RAB3GAP1: variants seen among roughly 807,000 people sequenced by gnomAD.
RAB3GAP1 encodes the protein rab3 GTPase-activating protein catalytic subunit.
Under a neutral mutation model 130.7 loss-of-function variants are expected in RAB3GAP1, and 86 were observed. The ratio of observed to expected loss-of-function variants is 0.66; its 90% CI spans 0.55 to 0.79. The LOEUF (loss-of-function observed/expected upper bound fraction) is 0.79. Ranked by LOEUF, RAB3GAP1 falls within the 30% of genes least tolerant of loss-of-function variation. The probability of loss-of-function intolerance (pLI) is 0.00; values close to 1 mark genes in which losing one functional copy is unlikely to be tolerated. For synonymous variants in RAB3GAP1, 367 were observed against 401.7 expected (o/e 0.91, Z 1.03); for missense variants, 1,029 against 1,169.4 (o/e 0.88, Z 1.75).
At chr2:135,074,393 AG>A (rs1282776991) in intron 3 of RAB3GAP1, among the ~76,000 whole-genome samples, 5 of 152,250 alleles carry the variant, frequency 3.3e-5, no homozygotes, top group African/African-American at 1.2e-4. Context: ...CCTAGCCTTC[AG>A]GCTATACCAG....
intron 4 of RAB3GAP1, 67 bp downstream of exon 4, chr2:135,091,197 A>G (rs991546099): frequency 7.0e-7 from 1 of 1,422,580 alleles, no homozygotes; most frequent in African/African-American, 1.4e-5. Flanking sequence ...TTGAATTATT[A>G]ATTTAGTGTT....
intron 3 of RAB3GAP1, among the ~76,000 whole-genome samples, chr2:135,070,441 C>T (rs752092711): frequency 1.3e-5 from 2 of 152,124 alleles, no homozygotes; most frequent in Non-Finnish European, 2.9e-5. Flanking sequence ...TTCTTTCTGT[C>T]TTTAGTTTTT....
chr2:135,104,166 G>T (rs1690527562), intron 5 of RAB3GAP1, among the ~76,000 whole-genome samples: 1 of 152,184 alleles, frequency 6.6e-6, no homozygotes, highest in African/African-American at 2.4e-5. Context: ...TTGAAAATAA[G>T]AATAAAGCAA....
rs560584406 is a variant in RAB3GAP1 at position 135,141,318 on chromosome 2, G to A, written c.1923+5386G>A. ...CGGCTCACTGCAGCCTGAGTCTTCCGGGTTCAAGCGATTCTCCTGCCTCAG... is the reference window on the plus strand; with the variant it reads ...CGGCTCACTGCAGCCTGAGTCTTCCAGGTTCAAGCGATTCTCCTGCCTCAG... On this transcript the variant is annotated intron_variant, in intron 17 of 23. Coordinates refer to ENST00000264158, the MANE Select transcript of RAB3GAP1 (RefSeq NM_012233.3). Among the ~76,000 whole-genome samples the A allele has an allele frequency of 1.3e-4, 19 of 150,202 alleles. 1 individual carries two copies. The highest frequency in any genetic ancestry group is 9.3e-4 in the Admixed American group (14 of 15,032).
intron 2 of RAB3GAP1, 22 bp from the exon 3 acceptor site, chr2:135,057,989 A>C (rs1314183377): frequency 1.9e-6 from 3 of 1,546,204 alleles, no homozygotes; most frequent in South Asian, 1.1e-5. Flanking sequence ...TTGTATTTAG[A>C]AGCTTTCTCC....
intron 7 of RAB3GAP1, among the ~76,000 whole-genome samples, chr2:135,116,241 T>C (rs573007147): frequency 7.9e-5 from 12 of 152,262 alleles, no homozygotes; most frequent in African/African-American, 2.6e-4. Context: ...AAATATTAAG[T>C]ATATTGATTA....
chr2:135,125,028 C>A (rs1052487495), intron 9 of RAB3GAP1, among the ~76,000 whole-genome samples: 12 of 152,196 alleles, frequency 7.9e-5, no homozygotes, highest in Non-Finnish European at 1.5e-4. Context: ...TTAATATTTA[C>A]AGAGCTGTGC....
At chr2:135,150,591 A>G (rs1291492687) in intron 18 of RAB3GAP1, 85 bp downstream of exon 18, 1 of 1,548,914 alleles carries the variant, frequency 6.5e-7, no homozygotes, top group African/African-American at 1.4e-5. Flanking sequence ...AGTGGTATAA[A>G]GGCCTGAATG....
intron 22 of RAB3GAP1, among the ~76,000 whole-genome samples, chr2:135,164,350 T>G (rs2105000691): frequency 6.6e-6 from 1 of 152,374 alleles, no homozygotes; most frequent in Non-Finnish European, 1.5e-5. Flanking sequence ...TTTCTTACAC[T>G]TTGACAGAGA....
intron 17 of RAB3GAP1, among the ~76,000 whole-genome samples, chr2:135,138,991 G>A (rs1336652002): frequency 6.6e-6 from 1 of 152,086 alleles, no homozygotes; most frequent in Non-Finnish European, 1.5e-5. Context: ...TAGTATCTCA[G>A]TGTTTTAGAT....
In RAB3GAP1 at chr2:135,169,033, T is replaced by TG. The variant is rs1269719842; in HGVS notation, c.*254dup. 2.2e-4 allele frequency: 20 copies of TG among 90,150 alleles called. No homozygotes were observed. Among genetic ancestry groups the TG allele is most frequent in the African/African-American group, 1.7e-3 (16 of 9,400 alleles). 5.6% of individuals were successfully genotyped at this position (90,150 alleles called of 1,614,324 possible). A position where few individuals can be genotyped will look rare whatever the true frequency, so the allele number is the denominator to read the frequency against. On this transcript the variant is annotated 3_prime_UTR_variant, in exon 24 of 24. Transcript: ENST00000264158. The stretch of plus-strand genomic sequence containing the variant: ...GAGATGGCCTTTGTATATGGGGGGG[T>TG]GGTGGGGGGACACAAACACATCAGA...
chr2:135,093,587 AC>A (rs1350223566), intron 4 of RAB3GAP1, 27 bp from the exon 5 acceptor site: 1 of 1,556,308 alleles, frequency 6.4e-7, no homozygotes, highest in African/African-American at 1.4e-5. Context: ...GAACATACTA[AC>A]TTTTTCATTA....
At chr2:135,087,911 A>G (rs1256397551) in intron 3 of RAB3GAP1, among the ~76,000 whole-genome samples, 1 of 152,208 alleles carries the variant, frequency 6.6e-6, no homozygotes, top group Non-Finnish European at 1.5e-5. Context: ...GTTTTGATGA[A>G]CTAGAATTGT....
rs1344217576 is a variant in RAB3GAP1, at chr2:135,074,861, G to A, written c.151-16137G>A. On this transcript the variant is annotated intron_variant, in intron 3 of 23. Coordinates refer to ENST00000264158, the MANE Select transcript of RAB3GAP1 (RefSeq NM_012233.3). ...AGGGGCTGTCTACTAAGAGGCAGGAGCTGGAGGGAAGTTTTATAGGGTCAT... is the reference window on the plus strand; with the variant it reads ...AGGGGCTGTCTACTAAGAGGCAGGAACTGGAGGGAAGTTTTATAGGGTCAT... Among the ~76,000 whole-genome samples, 4 of 152,204 alleles carry A rather than the reference G, an allele frequency of 2.6e-5. No individual in the cohort carries two copies. The East Asian group carries it at 7.7e-4, about 29-fold the overall frequency.
In RAB3GAP1 at chr2:135,168,807, C is replaced by A. The variant is rs1192722980; in HGVS notation, c.*26C>A. 1.3e-6 allele frequency: 2 copies of A among 1,593,906 alleles called. No homozygotes were observed. Among genetic ancestry groups the A allele is most frequent in the South Asian group, 1.1e-5 (1 of 90,630 alleles). ...TTCTTCTAGCATTACTCGTTGGTGG[C>A]TTCAGAGACAGTGCTGCCTCCTCCT... On this transcript the variant is annotated 3_prime_UTR_variant, in exon 24 of 24. Transcript: ENST00000264158.
chr2:135,175,895 T>A (rs182827101), intron 24 of RAB3GAP1, among the ~76,000 whole-genome samples: 185 of 152,306 alleles, frequency 1.2e-3, no homozygotes, highest in African/African-American at 3.3e-3. Context: ...TCATGAACCT[T>A]TATTGAAAAA....
intron 3 of RAB3GAP1, among the ~76,000 whole-genome samples, chr2:135,075,129 T>C (rs1266945629): frequency 2.6e-5 from 4 of 152,196 alleles, no homozygotes; most frequent in African/African-American, 7.2e-5. Flanking sequence ...TAAAATTATA[T>C]GGGGAAATAT....
At chr2:135,057,301 C>A (rs911601436) in intron 2 of RAB3GAP1, among the ~76,000 whole-genome samples, 1 of 151,336 alleles carries the variant, frequency 6.6e-6, no homozygotes, top group African/African-American at 2.4e-5. Flanking sequence ...TTGTTGGGGG[C>A]TGGGGGGGTA....
intron 3 of RAB3GAP1, 65 bp from the exon 4 acceptor site, chr2:135,090,933 G>T: frequency 1.4e-6 from 2 of 1,445,190 alleles, no homozygotes; most frequent in Non-Finnish European, 1.9e-6. Flanking sequence ...TATCCCTGTC[G>T]TTAGTAAATA....
Sources: allele counts gnomAD v4.1 joint callset (sites outside exome capture counted in the v4.1 genomes callset), GRCh38; gene constraint gnomAD v4.1.1; transcripts MANE v1.5; gene names NCBI Gene and HGNC (gene_info 2026-07-23, HGNC 2026-07-21).